TNS1: variants seen among roughly 807,000 people sequenced by gnomAD.
TNS1 encodes the protein tensin-1.
Under a neutral mutation model 168.6 loss-of-function variants are expected in TNS1, and 62 were observed. That is an observed-to-expected ratio of 0.37 (90% CI 0.30 to 0.45). The LOEUF (loss-of-function observed/expected upper bound fraction) is 0.45, where lower values mean the gene tolerates loss of function less well. Ranked by LOEUF, TNS1 falls within the 20% of genes least tolerant of loss-of-function variation. The pLI, the probability that TNS1 is intolerant of heterozygous loss-of-function variation, is 1.00. For synonymous variants in TNS1, 934 were observed against 933.2 expected, an observed-to-expected ratio of 1.00 and a Z score of -0.02; for missense variants, 2,240 against 2,339.4, an observed-to-expected ratio of 0.96 and a Z score of 0.88.
Position 217,836,162 on chromosome 2 carries a change from C to T in TNS1, c.3057G>A (p.Arg1019=). 2 of 1,613,806 alleles carry T rather than the reference C, an allele frequency of 1.2e-6. No individual in the cohort carries two copies. Among genetic ancestry groups the T allele is most frequent in the Non-Finnish European group, 1.7e-6 (2 of 1,179,896 alleles). The part of the protein sequence containing the change: ...KQPAEPPAPL[R]RRAASDGQYE... ...ACTGTCCATCACTGGCCGCCCGCCT[C>T]CGCAGAGGGGCTGGGGGCTCTGCAG... Residue 1019 remains arginine, a synonymous_variant, in exon 20 of 33, where the codon CGG becomes CGA. Transcript: ENST00000682258.
intron 1 of TNS1, among the ~76,000 whole-genome samples, chr2:218,019,307 C>T (rs528624723): frequency 4.6e-5 from 7 of 152,260 alleles, no homozygotes; most frequent in Admixed American, 2.6e-4. Context: ...TCTGACCATT[C>T]GTGGACACCA....
At chr2:217,920,065 G>T in intron 4 of TNS1, 130 bp downstream of exon 4, 1 of 680,062 alleles carries the variant, frequency 1.5e-6, no homozygotes, top group South Asian at 1.6e-5. Flanking sequence ...CAGGGAGGTC[G>T]ACCCTCCTCC....
chr2:217,880,663 C>T lies in TNS1; in HGVS notation c.1429+235G>A, dbSNP rs1399269747. Among the ~76,000 whole-genome samples, 2 of 152,214 alleles carry T rather than the reference C, an allele frequency of 1.3e-5. No individual in the cohort carries two copies. The highest frequency in any genetic ancestry group is 4.8e-5 in the African/African-American group (2 of 41,456). On this transcript the variant is annotated intron_variant, in intron 18 of 32. Transcript: ENST00000682258. This position sits in a 1 kb window ranked among gnomAD's most constrained non-coding sequence, Gnocchi z 4.2. Reference sequence around the variant, plus strand: ...CTGTAGCAACACACTTCCACGATAACCCCCTTGTGGCCATTTTGCTGCCTT... The same window carrying T: ...CTGTAGCAACACACTTCCACGATAATCCCCTTGTGGCCATTTTGCTGCCTT...
At chr2:217,958,404 G>A (rs954867536) in intron 3 of TNS1, among the ~76,000 whole-genome samples, 2 of 152,366 alleles carry the variant, frequency 1.3e-5, no homozygotes, top group Non-Finnish European at 2.9e-5. Context: ...TGCATCCTGA[G>A]CATGCAGGTT....
rs373001308 is a variant in TNS1 at position 217,850,363 on chromosome 2, G to A, written c.1430-1276C>T. On this transcript the variant is annotated intron_variant, in intron 18 of 32. Coordinates refer to ENST00000682258, the MANE Select transcript of TNS1 (RefSeq NM_001387777.1). ...CAGGAGGGGAAGCGTCTTAGGGATCGTGAACACAAAAACAAGATGTCTTCA... is the reference window on the plus strand; with the variant it reads ...CAGGAGGGGAAGCGTCTTAGGGATCATGAACACAAAAACAAGATGTCTTCA... 36 of 985,284 alleles carry A rather than the reference G, an allele frequency of 3.7e-5. No homozygotes were observed. In the East Asian group the frequency reaches 6.8e-4, roughly 19 times the overall value. The allele number at this position is 985,284 out of a possible 1,614,324, so 61.0% of individuals were successfully genotyped here.
intron 18 of TNS1, chr2:217,858,656 G>T: frequency 4.2e-6 from 2 of 480,862 alleles, no homozygotes; most frequent in Non-Finnish European, 5.1e-6. Flanking sequence ...AGCCAGTGCC[G>T]CCTGCCTGCC....
chr2:217,893,298 C>T, intron 10 of TNS1, 141 bp downstream of exon 10: 1 of 1,399,984 alleles, frequency 7.1e-7, no homozygotes, highest in African/African-American at 1.4e-5. Context: ...AAGAAAAATA[C>T]ACACAGACTT....
At chr2:217,982,400 CTTTT>C (rs59697675) in intron 2 of TNS1, among the ~76,000 whole-genome samples, 2 of 136,068 alleles carry the variant, frequency 1.5e-5, no homozygotes. Context: ...TTCTTCTTTT[CTTTT>C]TTTTTTTTTT....
rs918050759 is a variant in TNS1, at chr2:217,821,686, C to G, written c.3572+54G>C. 11 of 1,401,572 alleles carry G rather than the reference C, an allele frequency of 7.8e-6. No homozygotes were observed. In the African/African-American group the frequency reaches 1.6e-4, roughly 21 times the overall value. 86.8% of individuals were successfully genotyped at this position (1,401,572 alleles called of 1,614,324 possible). A position where few individuals can be genotyped will look rare whatever the true frequency, so the allele number is the denominator to read the frequency against. On this transcript the variant is annotated intron_variant, in intron 23 of 32. Transcript: ENST00000682258. Reference sequence around the variant, plus strand: ...ATCCAGGAGGCCTCACCCATCCCGTCCCAGTCCCAGGCCCGGATTCCCATC... The same window carrying G: ...ATCCAGGAGGCCTCACCCATCCCGTGCCAGTCCCAGGCCCGGATTCCCATC...
intron 9 of TNS1, among the ~76,000 whole-genome samples, chr2:217,894,687 G>T (rs916004978): frequency 6.6e-6 from 1 of 151,930 alleles, no homozygotes; most frequent in Non-Finnish European, 1.5e-5. Flanking sequence ...AAAAAAACCG[G>T]CAGCTGGAAG....
intron 18 of TNS1, among the ~76,000 whole-genome samples, chr2:217,874,717 C>T (rs1325601050): frequency 6.6e-6 from 1 of 152,212 alleles, no homozygotes; most frequent in East Asian, 1.9e-4. Context: ...ATAACAGACA[C>T]AAATCACTGC....
chr2:217,950,263 T>C (rs1442457314), intron 3 of TNS1, among the ~76,000 whole-genome samples: 6 of 152,148 alleles, frequency 3.9e-5, no homozygotes, highest in African/African-American at 1.2e-4. Flanking sequence ...AAAATTGTCT[T>C]GGGAAAGTGA....
chr2:218,033,694 G>T lies in TNS1; in HGVS notation c.156+126C>A, dbSNP rs1046362464. Among the ~76,000 whole-genome samples the T allele has an allele frequency of 3.3e-5, 5 of 152,122 alleles. No homozygotes were observed. Among genetic ancestry groups the T allele is most frequent in the African/African-American group, 1.2e-4 (5 of 41,422 alleles). On this transcript the variant is annotated intron_variant, in intron 1 of 1. Coordinates refer to the TNS1 transcript ENST00000649572. The surrounding 1 kb of genome is among the most constrained non-coding windows in gnomAD (Gnocchi z 4.3). ...TCCCCCTTGGTCCACCTGCCTTGCC[G>T]CACTTCCCAAGCAGACTAGCACCGT...
At chr2:218,013,689 T>G (rs1199020621), upstream of TNS1, among the ~76,000 whole-genome samples, 2 of 152,106 alleles carry the variant, frequency 1.3e-5, no homozygotes, top group African/African-American at 2.4e-5. Context: ...TTAGCACCCC[T>G]GCTTATCCTC....
At chr2:217,814,809 T>C in intron 25 of TNS1, 103 bp downstream of exon 25, 1 of 923,516 alleles carries the variant, frequency 1.1e-6, no homozygotes, top group Non-Finnish European at 1.7e-6. Context: ...GATGACCCCC[T>C]GCTACAAAGA....
chr2:217,906,167 C>T (rs1228741554), intron 6 of TNS1, among the ~76,000 whole-genome samples, 168 bp downstream of exon 6: 1 of 152,156 alleles, frequency 6.6e-6, no homozygotes, highest in Non-Finnish European at 1.5e-5. Flanking sequence ...GCACCAAAGG[C>T]TGAGGCCCAG....
chr2:217,881,150 C>T (rs865790445), intron 17 of TNS1, 136 bp from the exon 18 acceptor site: 22 of 636,960 alleles, frequency 3.5e-5, no homozygotes, highest in Middle Eastern at 4.3e-4. Context: ...TTTTCTTGAG[C>T]GTGGTGGGCG....
intron 6 of TNS1, among the ~76,000 whole-genome samples, chr2:217,905,765 G>A (rs186397290): frequency 5.9e-5 from 9 of 152,296 alleles, no homozygotes; most frequent in African/African-American, 1.4e-4. Flanking sequence ...AAGAGACCCC[G>A]AGCCCTTCTG....
In TNS1 at chr2:217,804,438, G is replaced by A. The variant is rs927415357; in HGVS notation, c.*21C>T. The A allele has an allele frequency of 6.2e-7, 1 of 1,613,796 alleles. No individual in the cohort carries two copies. The highest frequency in any genetic ancestry group is 8.5e-7 in the Non-Finnish European group (1 of 1,179,816). On this transcript the variant is annotated 3_prime_UTR_variant, in exon 33 of 33. Transcript: ENST00000682258. ...CACAAGCCCCTTCCCCATGGCACTG[G>A]CCCTGGGCAAGGGGCAGGGTTCATC... is the stretch of plus-strand genomic sequence containing the variant.
Sources: gnomAD v4.1 joint callset for allele counts (sites outside exome capture counted in the v4.1 genomes callset) on GRCh38, gnomAD v4.1.1 for gene constraint, Gnocchi (gnomAD v3.1) non-coding constraint, MANE v1.5 for transcripts, NCBI Gene and HGNC (gene_info 2026-07-23, HGNC 2026-07-21) for gene names.